Variants in NRG1 observed in about 807,000 individuals in gnomAD.
NRG1 encodes pro-neuregulin-1, membrane-bound isoform.
In NRG1, 18 loss-of-function variants were observed where a neutral mutation model predicts 63.8. That is an observed-to-expected ratio of 0.28 (90% CI 0.19 to 0.42). The LOEUF (loss-of-function observed/expected upper bound fraction) is 0.42, where lower values mean the gene tolerates loss of function less well. Ranked by LOEUF, NRG1 falls within the 10% of genes least tolerant of loss-of-function variation. The pLI, the probability that NRG1 is intolerant of heterozygous loss-of-function variation, is 1.00. For missense variants in NRG1, 762 were observed against 814.7 expected (o/e 0.94, Z 0.79); for synonymous variants, 302 against 301.3 (o/e 1.00, Z -0.02).
chr8:32,567,023 C>T (rs556020905), intron 1 of NRG1, among the ~76,000 whole-genome samples: 10 of 151,964 alleles, frequency 6.6e-5, no homozygotes, highest in East Asian at 1.9e-4. Context: ...TTGTATTTTT[C>T]GTAGAGACGG....
At chr8:32,613,185 G>A (rs911143734) in intron 3 of NRG1, among the ~76,000 whole-genome samples, 2 of 151,990 alleles carry the variant, frequency 1.3e-5, no homozygotes, top group African/African-American at 2.4e-5. Context: ...CAACTTTGAT[G>A]TATTGAAACC....
chr8:32,219,257 A>G (rs1845565347), intron 1 of NRG1, among the ~76,000 whole-genome samples: 1 of 152,330 alleles, frequency 6.6e-6, no homozygotes, highest in South Asian at 2.1e-4. Flanking sequence ...ACTTATGTGA[A>G]AATAAATGCC....
In NRG1 at chr8:32,480,241, TA is replaced by T. The variant is rs1168039184; in HGVS notation, c.38-115579del. Among the ~76,000 whole-genome samples, 21 of 151,732 alleles carry T rather than the reference TA, an allele frequency of 1.4e-4. No homozygotes were observed. The East Asian group carries it at 3.9e-3, about 28-fold the overall frequency. The stretch of plus-strand genomic sequence containing the variant: ...AATGATCTCACCTATATGTGGAATC[TA>T]AAAAAAAGTCAGCCTCATGGAAACA... On this transcript the variant is annotated intron_variant, in intron 1 of 10. Coordinates refer to the NRG1 transcript ENST00000519301.
chr8:31,821,819 A>C (rs1051796546), intron 1 of NRG1, among the ~76,000 whole-genome samples: 22 of 152,188 alleles, frequency 1.4e-4, no homozygotes, highest in African/African-American at 5.3e-4. Flanking sequence ...ACGTCTTTAC[A>C]GTGTCAAAGG....
intron 5 of NRG1, chr8:32,648,270 C>T: frequency 6.2e-7 from 1 of 1,614,100 alleles, no homozygotes; most frequent in East Asian, 2.2e-5. Context: ...TTCTTTCTTG[C>T]CGTCCACTGC....
intron 1 of NRG1, among the ~76,000 whole-genome samples, chr8:31,674,632 C>T (rs1415955893): frequency 6.6e-6 from 1 of 151,688 alleles, no homozygotes; most frequent in African/African-American, 2.4e-5. Flanking sequence ...ATCTTGTAAG[C>T]TTTGTTTAGT....
At chr8:32,005,887 T>TA (rs1395315203) in intron 1 of NRG1, among the ~76,000 whole-genome samples, 1 of 152,018 alleles carries the variant, frequency 6.6e-6, no homozygotes, top group African/African-American at 2.4e-5. Flanking sequence ...AATGGAAGCC[T>TA]AAAAAAGAAT....
chr8:32,061,988 C>A (rs1485923172), intron 1 of NRG1, among the ~76,000 whole-genome samples: 1 of 152,010 alleles, frequency 6.6e-6, no homozygotes, highest in Non-Finnish European at 1.5e-5. Context: ...GACAGACATA[C>A]AAGTACCCAA....
Position 31,853,926 on chromosome 8 carries a change from G to A in NRG1, c.37+214495G>A, listed in dbSNP as rs1469761723. Among the ~76,000 whole-genome samples, 173 of 151,362 alleles carry A rather than the reference G, an allele frequency of 1.1e-3. 1 individual carries two copies. Among genetic ancestry groups the A allele is most frequent in the Admixed American group, 6.1e-3 (93 of 15,122 alleles). Reference sequence around the variant, plus strand: ...TGCTGGATTACATTTATTGATTTGCGTGTATTGAACCAGCCTTGCATCCCA... The same window carrying A: ...TGCTGGATTACATTTATTGATTTGCATGTATTGAACCAGCCTTGCATCCCA... On this transcript the variant is annotated intron_variant, in intron 1 of 10. Transcript: ENST00000519301.
At chr8:32,069,320 G>T (rs917585922) in intron 1 of NRG1, among the ~76,000 whole-genome samples, 1 of 152,182 alleles carries the variant, frequency 6.6e-6, no homozygotes, top group Non-Finnish European at 1.5e-5. Context: ...TATGTTATGG[G>T]AGATCATCAA....
intron 1 of NRG1, among the ~76,000 whole-genome samples, chr8:31,764,424 G>A (rs1176275054): frequency 1.3e-5 from 2 of 151,960 alleles, no homozygotes; most frequent in African/African-American, 2.4e-5. Flanking sequence ...CTTAGCCCCT[G>A]GCAACTACTA....
intron 1 of NRG1, among the ~76,000 whole-genome samples, chr8:32,480,630 G>A (rs1825142128): frequency 6.6e-6 from 1 of 152,138 alleles, no homozygotes; most frequent in African/African-American, 2.4e-5. Flanking sequence ...AAAGAAAAGT[G>A]GCTTATTTTG....
intron 1 of NRG1, among the ~76,000 whole-genome samples, chr8:32,108,768 G>A (rs1421937813): frequency 2.0e-5 from 3 of 152,006 alleles, no homozygotes; most frequent in East Asian, 1.9e-4. Context: ...CAATAGCCAC[G>A]GAAGGGGACA....
intron 5 of NRG1, among the ~76,000 whole-genome samples, chr8:32,635,652 A>C (rs967964771): frequency 6.6e-6 from 1 of 152,182 alleles, no homozygotes; most frequent in Non-Finnish European, 1.5e-5. Flanking sequence ...AATTCTGTGC[A>C]TGAGATTTCT....
At chr8:32,379,502 G>A (rs1322495240) in intron 1 of NRG1, among the ~76,000 whole-genome samples, 2 of 152,144 alleles carry the variant, frequency 1.3e-5, no homozygotes, top group African/African-American at 4.8e-5. Flanking sequence ...ATATAACAGG[G>A]TTGTGACAAA....
upstream of NRG1, chr8:32,548,135 G>A: frequency 1.2e-6 from 1 of 827,176 alleles, no homozygotes; most frequent in Non-Finnish European, 1.5e-6. Context: ...GCGCCCGGGA[G>A]CGCCGAGCCC....
At chr8:32,422,184 G>A (rs974918429) in intron 1 of NRG1, among the ~76,000 whole-genome samples, 6 of 152,028 alleles carry the variant, frequency 3.9e-5, no homozygotes, top group African/African-American at 1.2e-4. Flanking sequence ...AGTAGAAAGA[G>A]GGAAAAAAGT....
At chr8:31,975,804 G>A (rs1188386779) in intron 1 of NRG1, among the ~76,000 whole-genome samples, 1 of 152,086 alleles carries the variant, frequency 6.6e-6, no homozygotes, top group Non-Finnish European at 1.5e-5. Flanking sequence ...AGGTTAAGTG[G>A]CCTAAATTGA....
At chr8:31,879,007 A>T (rs1202338055) in intron 1 of NRG1, among the ~76,000 whole-genome samples, 2 of 152,160 alleles carry the variant, frequency 1.3e-5, no homozygotes, top group Non-Finnish European at 2.9e-5. Context: ...CTCAAGAAAA[A>T]AAAAACAAAC....
Sources: gnomAD v4.1 joint callset for allele counts (sites outside exome capture counted in the v4.1 genomes callset) on GRCh38, gnomAD v4.1.1 for gene constraint, MANE v1.5 for transcripts, NCBI Gene and HGNC (gene_info 2026-07-23, HGNC 2026-07-21) for gene names.